The following LRRC45 variants were observed in gnomAD, a reference collection of about 807,000 sequenced individuals.
The protein encoded by LRRC45 is leucine rich repeat containing 45, also known as leucine-rich repeat-containing protein 45.
LRRC45 carries 73 observed loss-of-function variants against 85.4 expected under a neutral mutation model. The observed-to-expected ratio is 0.85, with a 90% CI of 0.71 to 1.04. The LOEUF is 1.04. Among genes scored for constraint, LRRC45 ranks in the 50% least tolerant of loss-of-function variants. LRRC45 has a pLI of 0.00. For missense variants in LRRC45, 937 were observed against 883.3 expected (o/e 1.06, Z -0.77); for synonymous variants, 429 against 386.0 (o/e 1.11, Z -1.31).
intron 14 of LRRC45, among the ~76,000 whole-genome samples, 180 bp downstream of exon 14, chr17:82,029,815 G>A (rs2043401659): frequency 6.6e-6 from 1 of 152,252 alleles, no homozygotes; most frequent in Admixed American, 6.5e-5. Context: ...TGAGACGGTG[G>A]AGAGGTTTGG....
Position 82,030,954 on chromosome 17 carries a change from T to G in LRRC45, c.*149T>G, listed in dbSNP as rs2043416379. On this transcript the variant is annotated 3_prime_UTR_variant, in exon 17 of 17. Coordinates refer to ENST00000306688, the MANE Select transcript of LRRC45 (RefSeq NM_144999.4). The stretch of plus-strand genomic sequence containing the variant: ...CGGCGACTGTTGGTGGTGTCGCGGC[T>G]GCGGGGGAACCCCGTGGGAGGCGCC... 1 of 568,296 alleles carries G rather than the reference T, an allele frequency of 1.8e-6. No homozygotes were observed. The highest frequency in any genetic ancestry group is 3.5e-5 in the East Asian group (1 of 28,714). The allele number at this position is 568,296 out of a possible 1,614,324, so 35.2% of individuals were successfully genotyped here.
In LRRC45 at chr17:82,030,709, C is replaced by A. The variant is rs2043412175; in HGVS notation, c.1917C>A (p.Ile639=). 2.0e-6 allele frequency: 3 copies of A among 1,499,960 alleles called. No individual in the cohort carries two copies. Among genetic ancestry groups the A allele is most frequent in the Non-Finnish European group, 2.7e-6 (3 of 1,114,764 alleles). 92.9% of individuals were successfully genotyped at this position (1,499,960 alleles called of 1,614,324 possible). Residue 639 remains isoleucine (I), a synonymous_variant, in exon 17 of 17, where the codon ATC becomes ATA. Coordinates refer to ENST00000306688, the MANE Select transcript of LRRC45 (RefSeq NM_144999.4). ...LRLREAEIAR[I]RDEEAQRASF... ...TCCGGGAGGCGGAGATCGCCCGCAT[C>A]CGGGACGAGGAGGCCCAGAGGGCGA...
chr17:82,030,921 G>A lies in LRRC45; in HGVS notation c.*116G>A, dbSNP rs114642087. 7,025 of 777,196 alleles carry A rather than the reference G, an allele frequency of 9.0e-3. 388 individuals are homozygous for A. The African/African-American group carries it at 0.11, about 13-fold the overall frequency. The allele number at this position is 777,196 out of a possible 1,614,324, so 48.1% of individuals were successfully genotyped here. ...GAGACCCGGGTCGTCTGTTCCACGCGGCGGTTGCGGCGACTGTTGGTGGTG... is the reference window on the plus strand; with the variant it reads ...GAGACCCGGGTCGTCTGTTCCACGCAGCGGTTGCGGCGACTGTTGGTGGTG... On this transcript the variant is annotated 3_prime_UTR_variant, in exon 17 of 17. Coordinates refer to ENST00000306688, the MANE Select transcript of LRRC45 (RefSeq NM_144999.4).
At position 82,030,841 on chromosome 17, in the gene LRRC45, A is replaced by C; in HGVS notation, c.*36A>C. On this transcript the variant is annotated 3_prime_UTR_variant, in exon 17 of 17. Transcript: ENST00000306688. ...GAGGACCCGGGCGCAGTAGGAGTGC[A>C]TCAGGCGGCGCCCGAGATGGACCAG... 1 of 1,302,240 alleles carries C rather than the reference A, an allele frequency of 7.7e-7. No individual in the cohort carries two copies. Among genetic ancestry groups the C allele is most frequent in the African/African-American group, 1.5e-5 (1 of 66,188 alleles). The allele number at this position is 1,302,240 out of a possible 1,614,324, so 80.7% of individuals were successfully genotyped here.
intron 13 of LRRC45, 59 bp downstream of exon 13, chr17:82,029,244 G>A (rs2043395194): frequency 6.6e-7 from 1 of 1,520,108 alleles, no homozygotes; most frequent in Non-Finnish European, 8.9e-7. Context: ...ACAAGGCAGG[G>A]GCCCCTGGTG....
intron 5 of LRRC45, among the ~76,000 whole-genome samples, chr17:82,026,644 A>G (rs2043370416): frequency 6.7e-6 from 1 of 150,248 alleles, no homozygotes; most frequent in South Asian, 2.1e-4. Context: ...CAGTGGCGCA[A>G]TCTCGGCTCA....
In LRRC45 at chr17:82,030,557, G is replaced by A. The variant is rs543434764; in HGVS notation, c.1817-52G>A. On this transcript the variant is annotated intron_variant, in intron 16 of 16. Transcript: ENST00000306688. ...TGGCCAGGTCTCCCGTGCTGAGGCCGTGCCACGGTGCGCTGGGGCTGCGTC... is the reference window on the plus strand; with the variant it reads ...TGGCCAGGTCTCCCGTGCTGAGGCCATGCCACGGTGCGCTGGGGCTGCGTC... 1.2e-5 allele frequency: 18 copies of A among 1,477,908 alleles called. No individual in the cohort carries two copies. In the Admixed American group the frequency reaches 3.5e-4, roughly 28 times the overall value. The allele number at this position is 1,477,908 out of a possible 1,614,324, so 91.5% of individuals were successfully genotyped here.
At chr17:82,023,985 G>C (rs1345562690) in intron 1 of LRRC45, 122 bp downstream of exon 1, 2 of 970,750 alleles carry the variant, frequency 2.1e-6, no homozygotes, top group East Asian at 5.3e-5. Context: ...AAGCGAGCAG[G>C]GGCGCCCCTT....
chr17:82,028,495 C>T lies in LRRC45; in HGVS notation c.1224C>T (p.Ala408=). The T allele has an allele frequency of 1.2e-6, 2 of 1,612,398 alleles. No homozygotes were observed. Among genetic ancestry groups the T allele is most frequent in the South Asian group, 1.1e-5 (1 of 91,006 alleles). Residue 408 remains alanine (A), a synonymous_variant, in exon 11 of 17, where the codon GCC becomes GCT. Coordinates refer to ENST00000306688, the MANE Select transcript of LRRC45 (RefSeq NM_144999.4). ...TGTCAGCTGAGCTGAAGATGCGGGC[C>T]ATCCAGGCCGAGGGTGGGCACGGGC... ...TSMSAELKMR[A]IQAEERLDME... is the part of the protein sequence containing the mutation.
intron 8 of LRRC45, 85 bp from the exon 9 acceptor site, chr17:82,027,926 G>A: frequency 1.3e-6 from 2 of 1,536,588 alleles, no homozygotes; most frequent in Non-Finnish European, 1.7e-6. Flanking sequence ...TTGACTAGGT[G>A]CCCAGCAACA....
At chr17:82,027,509 T>A in intron 7 of LRRC45, 65 bp downstream of exon 7, 2 of 1,604,994 alleles carry the variant, frequency 1.2e-6, no homozygotes, top group East Asian at 2.2e-5. Context: ...CAGACTCAGA[T>A]GGGACCAACC....
rs1392561388 is a variant in LRRC45, at chr17:82,027,695, G to A, written c.855G>A (p.Gly285=). ...ACAGGGCGTCGGCAGCCCGTGTAGG[G>A]CAGCTTCAGGAAGCCCTGAATGAGA... The part of the protein sequence containing the change: ...KSSRASAARV[G]QLQEALNERH... The change falls in exon 8 of 17, where the codon GGG becomes GGA. Residue 285 remains glycine, a synonymous_variant. Coordinates refer to ENST00000306688, the MANE Select transcript of LRRC45 (RefSeq NM_144999.4). 6.8e-6 allele frequency: 11 copies of A among 1,610,720 alleles called. No individual in the cohort carries two copies. The highest frequency in any genetic ancestry group is 9.3e-6 in the Non-Finnish European group (11 of 1,179,140).
chr17:82,024,885 G>T lies in LRRC45; in HGVS notation c.354-115G>T. 3 of 1,438,290 alleles carry T rather than the reference G, an allele frequency of 2.1e-6. No homozygotes were observed. In the South Asian group the frequency reaches 4.4e-5, roughly 21 times the overall value. The allele number at this position is 1,438,290 out of a possible 1,614,324, so 89.1% of individuals were successfully genotyped here. A position where few individuals can be genotyped will look rare whatever the true frequency, so the allele number is the denominator to read the frequency against. ...TGCCCATGTTTCACATACGTTGGCA[G>T]GGGTAGGCAGAGGCTCCGGCCCATC... On this transcript the variant is annotated intron_variant, in intron 3 of 16. Transcript: ENST00000306688.
At chr17:82,028,182 G>T (rs2144146065) in intron 9 of LRRC45, 36 bp downstream of exon 9, 1 of 1,559,742 alleles carries the variant, frequency 6.4e-7, no homozygotes, top group South Asian at 1.2e-5. Flanking sequence ...TGGGCCAAGG[G>T]GTGCGTGGCG....
Position 82,028,031 on chromosome 17 carries a change from C to T in LRRC45, c.932C>T (p.Ala311Val), listed in dbSNP as rs2043383987. Residue 311 changes from alanine to valine, a missense_variant, in exon 9 of 17, where the codon GCC (alanine) becomes GTC (valine). Ala to Val is a moderately conservative substitution (Grantham distance 64, BLOSUM62 0). Coordinates refer to ENST00000306688, the MANE Select transcript of LRRC45 (RefSeq NM_144999.4). ...LKAKLQMTEA[A>V]LALSEQKAQD... ...TGCAGGCTGCAGATGACAGAGGCCG[C>T]CCTGGCTCTGTCGGAGCAGAAGGCC... 1 of 1,606,824 alleles carries T rather than the reference C, an allele frequency of 6.2e-7. No homozygotes were observed. Among genetic ancestry groups the T allele is most frequent in the Non-Finnish European group, 8.5e-7 (1 of 1,178,116 alleles).
At position 82,030,108 on chromosome 17, in the gene LRRC45, C is replaced by T. The variant is rs377433201; in HGVS notation, c.1538C>T (p.Ala513Val). ...CTGGAGGACAAGCTGAGACTGCTGG[C>T]GCAGGCACGGGACGAGGCGCAGGGC... ...AHLEDKLRLL[A>V]QARDEAQGAC... is the part of the protein sequence containing the mutation. Residue 513 changes from alanine to valine, a missense_variant, in exon 15 of 17, where the codon GCG becomes GTG. Physicochemically the swap from Ala to Val is moderately conservative, Grantham distance 64 (BLOSUM62 0). Transcript: ENST00000306688. 1.9e-5 allele frequency: 29 copies of T among 1,547,188 alleles called. No individual in the cohort carries two copies. The highest frequency in any genetic ancestry group is 2.3e-5 in the Non-Finnish European group (26 of 1,147,170).
chr17:82,025,806 G>T (rs921721650), intron 5 of LRRC45, among the ~76,000 whole-genome samples: 3 of 152,220 alleles, frequency 2.0e-5, no homozygotes, highest in Non-Finnish European at 4.4e-5. Flanking sequence ...TCCTGGCCTT[G>T]GTGGCTTTGC....
At chr17:82,029,754 A>G (rs369975525) in intron 14 of LRRC45, 119 bp downstream of exon 14, 2 of 1,001,738 alleles carry the variant, frequency 2.0e-6, no homozygotes, top group South Asian at 1.5e-5. Flanking sequence ...TTGAGGTCAG[A>G]TGAGCACACC....
rs1186007831 is a variant in LRRC45 at position 82,025,397 on chromosome 17, T to C, written c.551T>C (p.Val184Ala). 8.2e-6 allele frequency: 13 copies of C among 1,592,612 alleles called. No individual in the cohort carries two copies. Among genetic ancestry groups the C allele is most frequent in the African/African-American group, 8.1e-5 (6 of 74,342 alleles). ...LQQLDLRWNNVGLLGGRALMN... is the reference protein window; with the variant it reads ...LQQLDLRWNNAGLLGGRALMN... ...CTTCCAGACCTGCGCTGGAATAACG[T>C]TGGCCTCCTGGGGGGCCGGGCCCTC... The change falls in exon 5 of 17, where the codon GTT becomes GCT. Residue 184 changes from valine to alanine, a missense_variant. Transcript: ENST00000306688.
Sources: gnomAD v4.1 joint callset for allele counts (sites outside exome capture counted in the v4.1 genomes callset) on GRCh38, gnomAD v4.1.1 for gene constraint, MANE v1.5 for transcripts, NCBI Gene and HGNC (gene_info 2026-07-23, HGNC 2026-07-21) for gene names.